The following NFIB variants were observed in gnomAD, a reference collection of about 807,000 sequenced individuals.
NFIB encodes the protein nuclear factor 1 B-type.
A neutral mutation model predicts 61.5 loss-of-function variants in NFIB; 11 were observed. That is an observed-to-expected ratio of 0.18 (90% CI 0.11 to 0.30). NFIB has a LOEUF of 0.30. Ranked by LOEUF, NFIB falls within the 10% of genes least tolerant of loss-of-function variation. NFIB has a pLI of 1.00. For synonymous variants in NFIB, 260 were observed against 216.5 expected (o/e 1.20, Z -1.76); for missense variants, 471 against 608.9 (o/e 0.77, Z 2.38).
At chr9:14,106,570 C>T (rs1406277550) in intron 10 of NFIB, among the ~76,000 whole-genome samples, 1 of 151,622 alleles carries the variant, frequency 6.6e-6, no homozygotes. Flanking sequence ...CAGATTGCTT[C>T]AAAGAAAAAA....
At position 14,187,035 on chromosome 9, in the gene NFIB, G is replaced by A. The variant is rs1215229483; in HGVS notation, c.563-7255C>T. ...TGTGTGTGTGTGTGTGTATGTGTGTGTGTGTGTGTGTGTGTGTGTGTGTGT... is the reference window on the plus strand; with the variant it reads ...TGTGTGTGTGTGTGTGTATGTGTGTATGTGTGTGTGTGTGTGTGTGTGTGT... On this transcript the variant is annotated intron_variant, in intron 2 of 10. Transcript: ENST00000380953. 4.6e-3 allele frequency among the ~76,000 whole-genome samples: 580 copies of A among 125,540 alleles called. 8 individuals are homozygous for A. Among genetic ancestry groups the A allele is most frequent in the African/African-American group, 0.012 (278 of 22,648 alleles). The allele number at this position is 125,540 out of a possible 152,430, so 82.4% of individuals were successfully genotyped here.
intron 1 of NFIB, among the ~76,000 whole-genome samples, chr9:14,386,524 C>T (rs1429531199): frequency 6.6e-6 from 1 of 152,132 alleles, no homozygotes; most frequent in Non-Finnish European, 1.5e-5. Context: ...CACAATAATT[C>T]CCACATTATT....
rs138604895 is a variant in NFIB, at chr9:14,257,698, G to A, written c.562+49291C>T. ...TTGAACCCGGGGGACAGAGGTTGTG[G>A]TGTGCCAAGATCGCTTCACAGCACT... On this transcript the variant is annotated intron_variant, in intron 2 of 10. Transcript: ENST00000380953. Among the ~76,000 whole-genome samples the A allele has an allele frequency of 4.6e-3, 694 of 152,244 alleles. 5 individuals are homozygous for A. The highest frequency in any genetic ancestry group is 0.016 in the African/African-American group (649 of 41,550).
At chr9:14,162,187 A>G (rs980277261) in intron 3 of NFIB, among the ~76,000 whole-genome samples, 3 of 152,152 alleles carry the variant, frequency 2.0e-5, no homozygotes, top group African/African-American at 7.2e-5. Context: ...TTTTTTCCTA[A>G]TATCAATGAG....
At position 14,082,049 on chromosome 9, in the gene NFIB, A is replaced by G; in HGVS notation, c.*6260T>C. ...TTTGCAACCCACAAAAAGTACCCAA[A>G]GAACGTTATCCTCCAACCGGGCACA... On this transcript the variant is annotated 3_prime_UTR_variant, in exon 11 of 11. Coordinates refer to ENST00000380953, the MANE Select transcript of NFIB (RefSeq NM_001190737.2). The G allele has an allele frequency of 4.7e-6, 1 of 211,326 alleles. No homozygotes were observed. Among genetic ancestry groups the G allele is most frequent in the Non-Finnish European group, 9.6e-6 (1 of 103,756 alleles). The allele number at this position is 211,326 out of a possible 1,614,324, so 13.1% of individuals were successfully genotyped here. A position where few individuals can be genotyped will look rare whatever the true frequency, so the allele number is the denominator to read the frequency against.
chr9:14,320,114 T>C (rs2060628783), intron 1 of NFIB, among the ~76,000 whole-genome samples: 1 of 152,218 alleles, frequency 6.6e-6, no homozygotes, highest in African/African-American at 2.4e-5. Flanking sequence ...TCTGACCATA[T>C]TAAAATTAAA....
chr9:14,395,818 C>A (rs771047419), intron 1 of NFIB, among the ~76,000 whole-genome samples: 9 of 123,512 alleles, frequency 7.3e-5, no homozygotes, highest in Non-Finnish European at 1.4e-4. Flanking sequence ...TGGGTTGCTT[C>A]TGGTGTCCCA....
At chr9:14,506,478 G>A in the NFIB span, among the ~76,000 whole-genome samples, 4 of 152,204 alleles carry the variant, frequency 2.6e-5, no homozygotes, top group East Asian at 1.9e-4. Flanking sequence ...GAGAAGAAAC[G>A]AACAGGATAA....
chr9:14,304,078 G>T (rs574584249), intron 2 of NFIB, among the ~76,000 whole-genome samples: 2 of 152,226 alleles, frequency 1.3e-5, no homozygotes, highest in African/African-American at 2.4e-5. Flanking sequence ...ATGGCCACGT[G>T]ATGCAAAAGT....
At chr9:14,110,989 T>C (rs977052986) in intron 10 of NFIB, among the ~76,000 whole-genome samples, 3 of 152,126 alleles carry the variant, frequency 2.0e-5, no homozygotes, top group Non-Finnish European at 2.9e-5. Context: ...TTTTTTTTGC[T>C]TCCAAAGATT....
At chr9:14,380,886 C>G (rs781587242) in intron 1 of NFIB, among the ~76,000 whole-genome samples, 2 of 151,900 alleles carry the variant, frequency 1.3e-5, no homozygotes, top group African/African-American at 2.4e-5. Flanking sequence ...GGTGCTGTCA[C>G]TAATTCACCT....
chr9:14,472,694 A>T, the NFIB span, among the ~76,000 whole-genome samples: 2 of 152,116 alleles, frequency 1.3e-5, no homozygotes, highest in African/African-American at 2.4e-5. Flanking sequence ...ACAAAAAATT[A>T]GCCGGGCGTC....
At chr9:14,341,555 A>C (rs1427448119) in intron 1 of NFIB, among the ~76,000 whole-genome samples, 1 of 152,138 alleles carries the variant, frequency 6.6e-6, no homozygotes, top group Non-Finnish European at 1.5e-5. Flanking sequence ...CCCAGCACAG[A>C]CTCCAGTGTC....
At chr9:14,296,478 G>A (rs1044820532) in intron 2 of NFIB, among the ~76,000 whole-genome samples, 8 of 152,238 alleles carry the variant, frequency 5.3e-5, no homozygotes, top group Non-Finnish European at 7.3e-5. Flanking sequence ...TTCCTACGTT[G>A]AAATCCTAAC....
chr9:14,330,913 C>G (rs527275635), intron 1 of NFIB, among the ~76,000 whole-genome samples: 22 of 152,020 alleles, frequency 1.4e-4, no homozygotes, highest in Non-Finnish European at 2.8e-4. Flanking sequence ...GCAGCTTGGG[C>G]TCTCTACTTC....
chr9:14,282,728 G>A (rs544861069), intron 2 of NFIB, among the ~76,000 whole-genome samples: 2 of 152,316 alleles, frequency 1.3e-5, no homozygotes, highest in Non-Finnish European at 1.5e-5. Context: ...GAAGGAGGGC[G>A]ACTTTCCCAA....
In NFIB at chr9:14,083,889, T is replaced by C. The variant is rs765827171; in HGVS notation, c.*4420A>G. On this transcript the variant is annotated 3_prime_UTR_variant, in exon 11 of 11. Coordinates refer to ENST00000380953, the MANE Select transcript of NFIB (RefSeq NM_001190737.2). ...TTAGTTTTCTGCCTATCCTGAATGC[T>C]CTGTGAAACTTAACCTTAAATACCA... is the stretch of plus-strand genomic sequence containing the variant. The C allele has an allele frequency of 4.5e-6, 1 of 224,596 alleles. No individual in the cohort carries two copies. Among genetic ancestry groups the C allele is most frequent in the Non-Finnish European group, 8.9e-6 (1 of 112,532 alleles). The allele number at this position is 224,596 out of a possible 1,614,324, so 13.9% of individuals were successfully genotyped here. A position where few individuals can be genotyped will look rare whatever the true frequency, so the allele number is the denominator to read the frequency against.
chr9:14,260,898 A>C lies in NFIB; in HGVS notation c.562+46091T>G, dbSNP rs946208399. The stretch of plus-strand genomic sequence containing the variant: ...ACAGATGGTGGCAAAAGGTAGCCAC[A>C]TCATTGGTTCTTGCCTCTCCATCAC... On this transcript the variant is annotated intron_variant, in intron 2 of 10. Transcript: ENST00000380953. Among the ~76,000 whole-genome samples, 39 of 151,754 alleles carry C rather than the reference A, an allele frequency of 2.6e-4. 1 individual carries two copies. Among genetic ancestry groups the C allele is most frequent in the Admixed American group, 7.2e-4 (11 of 15,260 alleles).
chr9:14,111,687 T>C, intron 10 of NFIB, among the ~76,000 whole-genome samples: 1 of 152,148 alleles, frequency 6.6e-6, no homozygotes, highest in South Asian at 2.1e-4. Flanking sequence ...AAAAGCAACA[T>C]TCCAGAGAAT....
Sources: allele counts gnomAD v4.1 joint callset (sites outside exome capture counted in the v4.1 genomes callset), GRCh38; gene constraint gnomAD v4.1.1; transcripts MANE v1.5; gene names NCBI Gene and HGNC (gene_info 2026-07-23, HGNC 2026-07-21).